NTN1: variants seen among roughly 807,000 people sequenced by gnomAD.
The protein encoded by NTN1 is netrin-1.
In NTN1, 11 loss-of-function variants were observed where a neutral mutation model predicts 54.2. The ratio of observed to expected loss-of-function variants is 0.20; its 90% CI spans 0.13 to 0.34. NTN1 has a LOEUF of 0.34. NTN1 is among the 10% of genes least tolerant of loss of function. The pLI is 1.00. For missense variants in NTN1, 740 were observed against 893.1 expected (o/e 0.83, Z 2.18); for synonymous variants, 371 against 382.0 (o/e 0.97, Z 0.33).
intron 3 of NTN1, among the ~76,000 whole-genome samples, chr17:9,163,843 T>C (rs534513734): frequency 6.6e-6 from 1 of 152,314 alleles, no homozygotes; most frequent in East Asian, 1.9e-4. Context: ...GCTTTCCTGC[T>C]GCAAAACTTG....
the NTN1 span, among the ~76,000 whole-genome samples, chr17:9,003,636 C>G: frequency 8.7e-5 from 13 of 149,618 alleles, no homozygotes; most frequent in East Asian, 2.0e-4. The surrounding 1 kb of genome is among the most constrained non-coding windows in gnomAD (Gnocchi z 7.4). Flanking sequence ...CCGGCCCCCT[C>G]GGCGCTGCAC....
intron 2 of NTN1, among the ~76,000 whole-genome samples, chr17:9,101,030 G>C (rs188971228): frequency 5.9e-5 from 9 of 152,204 alleles, no homozygotes; most frequent in African/African-American, 1.9e-4. Context: ...AAGTTGCCTT[G>C]ATTCTGTATC....
Position 9,179,789 on chromosome 17 carries a change from A to C in NTN1, c.1208-18A>C, listed in dbSNP as rs1567730645. The C allele has an allele frequency of 6.2e-7, 1 of 1,610,880 alleles. No individual in the cohort carries two copies. Among genetic ancestry groups the C allele is most frequent in the Non-Finnish European group, 8.5e-7 (1 of 1,178,588 alleles). On this transcript the variant is annotated intron_variant, in intron 3 of 6. Coordinates refer to ENST00000173229, the MANE Select transcript of NTN1 (RefSeq NM_004822.3). The stretch of plus-strand genomic sequence containing the variant: ...CGCTTCCCCCTTGTCTGACCCTCCC[A>C]TTTTGTGTTCTCTGCAGCCTGTGAT...
chr17:9,170,861 GACACAC>G (rs35971543), intron 3 of NTN1, among the ~76,000 whole-genome samples: 35 of 150,504 alleles, frequency 2.3e-4, no homozygotes, highest in African/African-American at 5.4e-4. Context: ...AAGCTCTTGT[GACACAC>G]ACACACACAC....
rs572571860 is a variant in NTN1, at chr17:9,208,486, G to T, written c.1412-12682G>T. ...GCTAGGTGCTGGGACACCAAGGTCCGATTTGCCAGGGGAGGAGGCAGACAG... is the reference window on the plus strand; with the variant it reads ...GCTAGGTGCTGGGACACCAAGGTCCTATTTGCCAGGGGAGGAGGCAGACAG... On this transcript the variant is annotated intron_variant, in intron 5 of 6. Transcript: ENST00000173229. Among the ~76,000 whole-genome samples, 7 of 152,282 alleles carry T rather than the reference G, an allele frequency of 4.6e-5. 1 individual carries two copies. The South Asian group carries it at 1.5e-3, about 32-fold the overall frequency.
chr17:9,118,610 A>G (rs1036740609), intron 2 of NTN1, among the ~76,000 whole-genome samples: 7 of 152,168 alleles, frequency 4.6e-5, no homozygotes, highest in African/African-American at 1.7e-4. Flanking sequence ...CCAAAATAAA[A>G]CCCATACCCA....
intron 2 of NTN1, among the ~76,000 whole-genome samples, chr17:9,077,891 G>A (rs1180121176): frequency 6.6e-6 from 1 of 152,156 alleles, no homozygotes; most frequent in Non-Finnish European, 1.5e-5. Flanking sequence ...AGGCTTATGG[G>A]GGTCCTGGGC....
intron 2 of NTN1, among the ~76,000 whole-genome samples, chr17:9,029,196 G>A (rs552690073): frequency 3.3e-5 from 5 of 152,042 alleles, no homozygotes; most frequent in South Asian, 4.2e-4. Context: ...GGGGGGTTGC[G>A]TCCTGAAGAC....
intron 6 of NTN1, among the ~76,000 whole-genome samples, chr17:9,238,727 T>C (rs1342384540): frequency 6.6e-6 from 1 of 152,220 alleles, no homozygotes; most frequent in Non-Finnish European, 1.5e-5. Context: ...GAGCAAAGTT[T>C]CTCATTTATT....
chr17:9,213,397 T>C (rs1217719897), intron 5 of NTN1, among the ~76,000 whole-genome samples: 2 of 152,220 alleles, frequency 1.3e-5, no homozygotes, highest in Non-Finnish European at 2.9e-5. Context: ...GAGGCTCCCC[T>C]GAGAGAGCAG....
intron 5 of NTN1, among the ~76,000 whole-genome samples, chr17:9,192,058 G>A (rs183705975): frequency 1.3e-3 from 192 of 152,212 alleles, no homozygotes; most frequent in African/African-American, 4.5e-3. Context: ...AAAGGGTTGG[G>A]GAAGCAGGTA....
chr17:9,086,139 TTTC>T (rs2092089377), intron 2 of NTN1, among the ~76,000 whole-genome samples: 1 of 152,174 alleles, frequency 6.6e-6, no homozygotes, highest in African/African-American at 2.4e-5. Flanking sequence ...TATGAGGGGT[TTTC>T]TTGTTGATTG....
chr17:9,179,752 G>C (rs2092412645), intron 3 of NTN1, 55 bp from the exon 4 acceptor site: 1 of 1,579,542 alleles, frequency 6.3e-7, no homozygotes, highest in South Asian at 1.2e-5. Context: ...GGCTCTGCGG[G>C]GATGCACTGG....
intron 2 of NTN1, among the ~76,000 whole-genome samples, chr17:9,121,152 C>A (rs1328741620): frequency 6.6e-6 from 1 of 152,066 alleles, no homozygotes; most frequent in African/African-American, 2.4e-5. Context: ...ATTAAAAATC[C>A]CTGCAGCCGC....
At chr17:9,228,854 C>G (rs77723344) in intron 6 of NTN1, among the ~76,000 whole-genome samples, 20 of 44,126 alleles carry the variant, frequency 4.5e-4, no homozygotes, top group African/African-American at 1.0e-3. Flanking sequence ...GTGTGTGTGA[C>G]TGTGTATGAG....
chr17:9,121,885 C>T (rs529542601), intron 2 of NTN1, among the ~76,000 whole-genome samples: 5 of 152,282 alleles, frequency 3.3e-5, no homozygotes, highest in African/African-American at 9.6e-5. Flanking sequence ...CTTTTCAGAC[C>T]TCTTGTTATC....
chr17:9,006,658 A>G, the NTN1 span, among the ~76,000 whole-genome samples: 116 of 152,360 alleles, frequency 7.6e-4, 1 homozygote, highest in East Asian at 0.018. Flanking sequence ...ATGAAGGTTC[A>G]TGGATGCAGA....
intron 3 of NTN1, among the ~76,000 whole-genome samples, chr17:9,167,638 T>G (rs1407837501): frequency 6.6e-6 from 1 of 152,148 alleles, no homozygotes; most frequent in Non-Finnish European, 1.5e-5. Context: ...ATGCAATAAT[T>G]AGCCAGGGCA....
In NTN1 at chr17:9,125,660, C is replaced by A. The variant is rs145998102; in HGVS notation, c.1019-37153C>A. 9.3e-3 allele frequency among the ~76,000 whole-genome samples: 1,422 copies of A among 152,202 alleles called. 30 individuals are homozygous for A. Among genetic ancestry groups the A allele is most frequent in the African/African-American group, 0.032 (1,339 of 41,510 alleles). ...TCACTCTGTCACCCAGGCTGTAGTG[C>A]AGTGGTGCAATCATAGCTCACTGCA... On this transcript the variant is annotated intron_variant, in intron 2 of 6. Coordinates refer to ENST00000173229, the MANE Select transcript of NTN1 (RefSeq NM_004822.3).
Sources: allele counts gnomAD v4.1 joint callset (sites outside exome capture counted in the v4.1 genomes callset), GRCh38; gene constraint gnomAD v4.1.1; non-coding constraint Gnocchi (gnomAD v3.1); transcripts MANE v1.5; gene names NCBI Gene and HGNC (gene_info 2026-07-23, HGNC 2026-07-21).